The following MAP7 variants were observed in gnomAD, a reference collection of about 807,000 sequenced individuals.
MAP7 encodes ensconsin.
A neutral mutation model predicts 94.8 loss-of-function variants in MAP7; 52 were observed. That is an observed-to-expected ratio of 0.55 (90% CI 0.44 to 0.69). MAP7 has a LOEUF of 0.69. Ranked by LOEUF, MAP7 falls within the 30% of genes least tolerant of loss-of-function variation. The pLI is 0.00. For missense variants in MAP7, 940 were observed against 964.6 expected, an observed-to-expected ratio of 0.97 and a Z score of 0.34; for synonymous variants, 350 against 357.0, an observed-to-expected ratio of 0.98 and a Z score of 0.22.
intron 1 of MAP7, among the ~76,000 whole-genome samples, chr6:136,481,219 T>C (rs1370359535): frequency 2.6e-5 from 4 of 152,264 alleles, no homozygotes; most frequent in East Asian, 3.9e-4. Context: ...GAAGGTTCTA[T>C]AAAATCCTGA....
At chr6:136,424,342 AAG>A (rs888458469) in intron 1 of MAP7, among the ~76,000 whole-genome samples, 5 of 151,570 alleles carry the variant, frequency 3.3e-5, no homozygotes, top group African/African-American at 1.2e-4. Context: ...AAAAAAAAAA[AAG>A]AAAATTAAGC....
intron 2 of MAP7, among the ~76,000 whole-genome samples, 163 bp downstream of exon 2, chr6:136,421,538 A>AGTAGGAGTGTGTGTTTGGTG (rs1338061573): frequency 5.3e-5 from 8 of 152,236 alleles, no homozygotes; most frequent in Admixed American, 3.9e-4. Flanking sequence ...CATACAATCC[A>AGTAGGAGTGTGTGTTTGGTG]GTAGGAGTGT....
At chr6:136,529,946 C>A (rs1209741013) in intron 1 of MAP7, among the ~76,000 whole-genome samples, 1 of 152,148 alleles carries the variant, frequency 6.6e-6, no homozygotes, top group Non-Finnish European at 1.5e-5. Context: ...GAAGTAAGCT[C>A]ATGACTTGGG....
chr6:136,354,241 A>T lies in MAP7; in HGVS notation c.2015+2451T>A, dbSNP rs2090484228. On this transcript the variant is annotated intron_variant, in intron 16 of 17. Coordinates refer to ENST00000354570, the MANE Select transcript of MAP7 (RefSeq NM_003980.6). ...ATATAAATTCTTTTAAATTCCTATA[A>T]ATATATATAAATTTCCTTTAAAGGA... Among the ~76,000 whole-genome samples, 3 of 145,086 alleles carry T rather than the reference A, an allele frequency of 2.1e-5. No individual in the cohort carries two copies. In the South Asian group the frequency reaches 6.3e-4, roughly 30 times the overall value.
intron 1 of MAP7, among the ~76,000 whole-genome samples, chr6:136,478,400 C>A (rs1811612773): frequency 6.6e-6 from 1 of 151,854 alleles, no homozygotes; most frequent in East Asian, 1.9e-4. Flanking sequence ...CTGGGCAAGA[C>A]AGCAAGACCC....
At chr6:136,481,570 TCA>T (rs1364629812) in intron 1 of MAP7, among the ~76,000 whole-genome samples, 1 of 152,068 alleles carries the variant, frequency 6.6e-6, no homozygotes, top group Non-Finnish European at 1.5e-5. Context: ...ACAACTGAAC[TCA>T]CAGAGATAAA....
Position 136,388,416 on chromosome 6 carries a change from C to G in MAP7, c.503G>C (p.Gly168Ala). ...ACCTGCACTGTGGATGCTAGGGCTCCCATGGAGAGAGCCTCCCCACGACCA... is the reference window on the plus strand; with the variant it reads ...ACCTGCACTGTGGATGCTAGGGCTCGCATGGAGAGAGCCTCCCCACGACCA... ...NRWSWGGSLH[G>A]SPSIHSADPD... The change falls in exon 5 of 18, where the codon GGG becomes GCG. Residue 168 changes from glycine (G) to alanine (A), a missense_variant. Coordinates refer to ENST00000354570, the MANE Select transcript of MAP7 (RefSeq NM_003980.6). 1 of 1,613,808 alleles carries G rather than the reference C, an allele frequency of 6.2e-7. No individual in the cohort carries two copies. The highest frequency in any genetic ancestry group is 8.5e-7 in the Non-Finnish European group (1 of 1,179,736).
At chr6:136,534,041 T>C (rs1369150348) in intron 1 of MAP7, among the ~76,000 whole-genome samples, 1 of 152,230 alleles carries the variant, frequency 6.6e-6, no homozygotes, top group African/African-American at 2.4e-5. Context: ...GAAAGATTAA[T>C]TATTAAATTT....
intron 1 of MAP7, among the ~76,000 whole-genome samples, chr6:136,500,634 G>A (rs987425826): frequency 3.3e-5 from 5 of 152,140 alleles, no homozygotes; most frequent in African/African-American, 1.2e-4. Context: ...TGTACTTGTG[G>A]TTACACTAAG....
intron 3 of MAP7, among the ~76,000 whole-genome samples, chr6:136,390,629 G>C (rs1780441303): frequency 6.6e-6 from 1 of 152,046 alleles, no homozygotes; most frequent in Non-Finnish European, 1.5e-5. Context: ...CTCCAGCCTT[G>C]GACGACAGAG....
At chr6:136,470,247 G>A (rs1272654591) in intron 1 of MAP7, among the ~76,000 whole-genome samples, 2 of 151,748 alleles carry the variant, frequency 1.3e-5, no homozygotes, top group Non-Finnish European at 1.5e-5. Context: ...TTTGTAAAAC[G>A]GGAACTCTGA....
At chr6:136,442,632 T>A (rs1046629539) in intron 1 of MAP7, among the ~76,000 whole-genome samples, 5 of 152,114 alleles carry the variant, frequency 3.3e-5, no homozygotes, top group African/African-American at 1.2e-4. Context: ...TTGATGTACA[T>A]CTCTGGTTTA....
chr6:136,533,394 C>T (rs1038754213), intron 1 of MAP7, among the ~76,000 whole-genome samples: 12 of 152,058 alleles, frequency 7.9e-5, no homozygotes, highest in Admixed American at 3.9e-4. Flanking sequence ...AAATGAAGAG[C>T]GATACTAAAG....
intron 1 of MAP7, among the ~76,000 whole-genome samples, chr6:136,432,071 C>T (rs1313587687): frequency 3.9e-5 from 6 of 152,178 alleles, no homozygotes; most frequent in Non-Finnish European, 8.8e-5. Flanking sequence ...ACAACAGAGA[C>T]TCAGGCCCTG....
intron 1 of MAP7, among the ~76,000 whole-genome samples, chr6:136,466,018 A>G (rs183910546): frequency 6.6e-6 from 1 of 152,316 alleles, no homozygotes; most frequent in African/African-American, 2.4e-5. Flanking sequence ...AAAAGAAAAT[A>G]AAGTGATAAA....
At chr6:136,512,044 G>A (rs1436188511) in intron 1 of MAP7, among the ~76,000 whole-genome samples, 1 of 152,192 alleles carries the variant, frequency 6.6e-6, no homozygotes, top group African/African-American at 2.4e-5. Flanking sequence ...GTGGACAAAG[G>A]TCGTTAATAC....
chr6:136,481,410 A>C (rs1812805225), intron 1 of MAP7, among the ~76,000 whole-genome samples: 1 of 152,232 alleles, frequency 6.6e-6, no homozygotes, highest in African/African-American at 2.4e-5. Flanking sequence ...TGTGGTATGT[A>C]TGCACAATGG....
intron 5 of MAP7, among the ~76,000 whole-genome samples, chr6:136,386,432 G>A (rs774808435): frequency 6.6e-6 from 1 of 152,122 alleles, no homozygotes; most frequent in Non-Finnish European, 1.5e-5. Context: ...GTTCTGAGTG[G>A]CAGAAATAAA....
At chr6:136,359,899 G>A (rs746428799) in intron 14 of MAP7, 22 bp from the exon 15 acceptor site, 3 of 1,611,680 alleles carry the variant, frequency 1.9e-6, no homozygotes, top group Middle Eastern at 1.6e-4. Flanking sequence ...AAAAAAAGAG[G>A]ACTTTTAAAA....
Sources: allele counts gnomAD v4.1 joint callset (sites outside exome capture counted in the v4.1 genomes callset), GRCh38; gene constraint gnomAD v4.1.1; transcripts MANE v1.5; gene names NCBI Gene and HGNC (gene_info 2026-07-23, HGNC 2026-07-21).